The following GRID2 variants were observed in gnomAD, a reference collection of about 807,000 sequenced individuals.
The protein encoded by GRID2 is glutamate receptor ionotropic, delta-2.
A neutral mutation model predicts 114.8 loss-of-function variants in GRID2; 33 were observed. The observed-to-expected ratio is 0.29, with a 90% confidence interval of 0.22 to 0.38. GRID2 has a LOEUF of 0.38. Among genes scored for constraint, GRID2 ranks in the 10% least tolerant of loss-of-function variants. The pLI is 1.00. For missense variants in GRID2, 1,184 were observed against 1,257.7 expected, an observed-to-expected ratio of 0.94 and a Z score of 0.89; for synonymous variants, 505 against 449.9, an observed-to-expected ratio of 1.12 and a Z score of -1.55.
intron 2 of GRID2, among the ~76,000 whole-genome samples, chr4:92,903,466 A>C (rs1241155871): frequency 6.6e-6 from 1 of 151,878 alleles, no homozygotes; most frequent in East Asian, 1.9e-4. Flanking sequence ...ACACATTAAG[A>C]ATATTTCTTT....
intron 10 of GRID2, among the ~76,000 whole-genome samples, chr4:93,434,032 C>T (rs1720831813): frequency 6.6e-6 from 1 of 152,144 alleles, no homozygotes; most frequent in Non-Finnish European, 1.5e-5. Context: ...ATTTAATACC[C>T]ATGTGAGCCT....
At chr4:92,606,157 G>A (rs1043555496) in intron 2 of GRID2, among the ~76,000 whole-genome samples, 2 of 151,972 alleles carry the variant, frequency 1.3e-5, no homozygotes, top group African/African-American at 4.8e-5. Flanking sequence ...ACCTCATTTT[G>A]TGGCTTTTAT....
At chr4:93,288,612 A>G (rs1020851699) in intron 8 of GRID2, among the ~76,000 whole-genome samples, 14 of 152,158 alleles carry the variant, frequency 9.2e-5, no homozygotes, top group African/African-American at 3.4e-4. Context: ...CCTCACCTAT[A>G]TACTTTTTAT....
intron 11 of GRID2, among the ~76,000 whole-genome samples, chr4:93,460,218 T>G (rs1216856448): frequency 6.6e-6 from 1 of 152,218 alleles, no homozygotes; most frequent in Admixed American, 6.5e-5. Context: ...GTCTGAGTTC[T>G]TCAGAGCATA....
chr4:92,525,979 A>G (rs1182866039), intron 1 of GRID2, among the ~76,000 whole-genome samples: 4 of 152,096 alleles, frequency 2.6e-5, no homozygotes, highest in Non-Finnish European at 4.4e-5. Context: ...CGCTCTCTAT[A>G]TATTTATACT....
intron 2 of GRID2, among the ~76,000 whole-genome samples, chr4:93,015,119 G>A (rs1047192414): frequency 2.0e-5 from 3 of 152,098 alleles, no homozygotes; most frequent in Admixed American, 6.6e-5. Flanking sequence ...TATGTTGGGT[G>A]TGAAACCATG....
exon 2 of GRID2, chr4:93,808,010 A>T (rs1735065320): frequency 6.6e-6 from 1 of 152,188 alleles, no homozygotes. Context: ...TGATGCACAG[A>T]TGATCTATTA....
intron 6 of GRID2, among the ~76,000 whole-genome samples, chr4:93,219,389 C>G (rs993498490): frequency 6.6e-6 from 1 of 152,014 alleles, no homozygotes; most frequent in Admixed American, 6.6e-5. Flanking sequence ...CTAATCTTAC[C>G]TGAAACAATA....
intron 2 of GRID2, among the ~76,000 whole-genome samples, chr4:92,743,646 C>T (rs1358913773): frequency 6.6e-6 from 1 of 152,094 alleles, no homozygotes; most frequent in Non-Finnish European, 1.5e-5. Context: ...TTGGATCTTC[C>T]TCTCTCAAAG....
chr4:92,339,403 A>G (rs779568149), intron 1 of GRID2, among the ~76,000 whole-genome samples: 1 of 152,180 alleles, frequency 6.6e-6, no homozygotes, highest in Middle Eastern at 3.2e-3. Context: ...TAACTATCCT[A>G]TGATAGCAAA....
chr4:93,079,833 C>G (rs752758968), intron 2 of GRID2, among the ~76,000 whole-genome samples: 1 of 152,090 alleles, frequency 6.6e-6, no homozygotes, highest in African/African-American at 2.4e-5. Context: ...CTGAAAATTA[C>G]TCAACTGAGT....
intron 1 of GRID2, among the ~76,000 whole-genome samples, chr4:92,566,477 T>C (rs1727341097): frequency 6.6e-6 from 1 of 152,014 alleles, no homozygotes; most frequent in South Asian, 2.1e-4. Context: ...ACTGGATCTA[T>C]TCATTCTCCT....
intron 2 of GRID2, among the ~76,000 whole-genome samples, chr4:92,739,691 T>A (rs149688000): frequency 2.6e-5 from 4 of 152,244 alleles, no homozygotes; most frequent in African/African-American, 9.6e-5. Flanking sequence ...GAAGAAATAG[T>A]TTAATGGTAT....
rs149691498 is a variant in GRID2, at chr4:93,138,273, C to T, written c.735+27320C>T. The stretch of plus-strand genomic sequence containing the variant: ...TACAAGTGTGAGCCAAGGCACTCAG[C>T]TGAATTTTTTTCTTAATTTAGTATA... On this transcript the variant is annotated intron_variant, in intron 4 of 15. Transcript: ENST00000282020. 4.1e-3 allele frequency among the ~76,000 whole-genome samples: 628 copies of T among 152,170 alleles called. 8 individuals are homozygous for T. Among genetic ancestry groups the T allele is most frequent in the African/African-American group, 0.015 (607 of 41,512 alleles).
At chr4:93,398,378 GA>G (rs961182360) in intron 9 of GRID2, among the ~76,000 whole-genome samples, 3 of 151,266 alleles carry the variant, frequency 2.0e-5, no homozygotes, top group African/African-American at 7.3e-5. Flanking sequence ...TCAAATTCAG[GA>G]AGACAGATTC....
intron 4 of GRID2, among the ~76,000 whole-genome samples, chr4:93,119,422 A>G (rs1452450688): frequency 2.0e-5 from 3 of 152,202 alleles, no homozygotes; most frequent in Non-Finnish European, 2.9e-5. Flanking sequence ...AAAAAATTCT[A>G]TATAAATTAG....
intron 4 of GRID2, among the ~76,000 whole-genome samples, chr4:93,165,197 T>C (rs1340314659): frequency 1.3e-5 from 2 of 152,050 alleles, no homozygotes; most frequent in African/African-American, 4.8e-5. Flanking sequence ...TCACATCAAC[T>C]GTTAGTCCTC....
intron 1 of GRID2, among the ~76,000 whole-genome samples, chr4:92,342,729 T>C (rs1465986787): frequency 1.3e-5 from 2 of 152,256 alleles, no homozygotes; most frequent in Non-Finnish European, 2.9e-5. Context: ...TGATTGTCAC[T>C]GTGAAGAAAA....
chr4:93,769,182 A>G, intron 14 of GRID2, 28 bp from the exon 15 acceptor site: 5 of 1,611,348 alleles, frequency 3.1e-6, no homozygotes, highest in Non-Finnish European at 4.2e-6. Flanking sequence ...TGTCTGTAAT[A>G]ACACATGCTT....
Sources: gnomAD v4.1 joint callset for allele counts (sites outside exome capture counted in the v4.1 genomes callset) on GRCh38, gnomAD v4.1.1 for gene constraint, MANE v1.5 for transcripts, NCBI Gene and HGNC (gene_info 2026-07-23, HGNC 2026-07-21) for gene names.